Variants in SUGCT observed in about 807,000 individuals in gnomAD.
SUGCT encodes succinyl-CoA:glutarate-CoA transferase.
A neutral mutation model predicts 55.0 loss-of-function variants in SUGCT; 41 were observed. The ratio of observed to expected loss-of-function variants is 0.74; its 90% CI spans 0.58 to 0.97. The LOEUF (loss-of-function observed/expected upper bound fraction) is 0.97, where lower values mean the gene tolerates loss of function less well. Ranked by LOEUF, SUGCT falls within the 50% of genes least tolerant of loss-of-function variation. SUGCT has a pLI of 0.00. For missense variants in SUGCT, 568 were observed against 547.8 expected, an observed-to-expected ratio of 1.04 and a Z score of -0.37; for synonymous variants, 187 against 200.4, an observed-to-expected ratio of 0.93 and a Z score of 0.56.
chr7:40,469,551 T>C (rs1790298213), intron 11 of SUGCT, among the ~76,000 whole-genome samples: 1 of 152,228 alleles, frequency 6.6e-6, no homozygotes. Flanking sequence ...AACACAGCTC[T>C]GGAAAGCATC....
chr7:40,997,411 C>T, the SUGCT span, among the ~76,000 whole-genome samples: 1 of 152,170 alleles, frequency 6.6e-6, no homozygotes, highest in African/African-American at 2.4e-5. Flanking sequence ...GCAACCAGCA[C>T]CACAGGTCAG....
intron 13 of SUGCT, among the ~76,000 whole-genome samples, chr7:40,769,677 G>A (rs959445636): frequency 1.2e-4 from 18 of 152,312 alleles, no homozygotes; most frequent in African/African-American, 4.3e-4. Flanking sequence ...CAGGGCTTTA[G>A]CTTTAGCCTA....
chr7:40,890,124 C>A, the SUGCT span, among the ~76,000 whole-genome samples: 1 of 150,638 alleles, frequency 6.6e-6, no homozygotes, highest in South Asian at 2.1e-4. Flanking sequence ...AATGAGGAGA[C>A]AGGTGAGCAA....
chr7:40,956,296 A>C, the SUGCT span, among the ~76,000 whole-genome samples: 1 of 152,066 alleles, frequency 6.6e-6, no homozygotes, highest in African/African-American at 2.4e-5. Context: ...TTAGTGCCTC[A>C]ATTTCAGAAC....
At chr7:40,826,317 G>T (rs1792307765) in intron 13 of SUGCT, among the ~76,000 whole-genome samples, 1 of 151,996 alleles carries the variant, frequency 6.6e-6, no homozygotes, top group Admixed American at 6.6e-5. Flanking sequence ...TTACACATAA[G>T]ATTATATTTT....
At chr7:40,466,177 G>C (rs954192161) in intron 11 of SUGCT, among the ~76,000 whole-genome samples, 2 of 152,158 alleles carry the variant, frequency 1.3e-5, no homozygotes, top group Non-Finnish European at 2.9e-5. Flanking sequence ...GAAATGCTGG[G>C]ATTATAGCTC....
rs1291971497 is a variant in SUGCT at position 40,481,626 on chromosome 7, T to C, written c.987-14658T>C. Among the ~76,000 whole-genome samples the C allele has an allele frequency of 2.0e-5, 3 of 151,702 alleles. No individual in the cohort carries two copies. In the East Asian group the frequency reaches 5.8e-4, roughly 29 times the overall value. ...AAGAAAATAATAACCCAATAGAAAA[T>C]CATCAAAAAGATATAACCAGGGATT... On this transcript the variant is annotated intron_variant, in intron 11 of 13. Coordinates refer to ENST00000335693, the MANE Select transcript of SUGCT (RefSeq NM_001193313.2).
At position 40,860,476 on chromosome 7, in the gene SUGCT, C is replaced by A; in HGVS notation, c.1314C>A (p.His438Gln). 1 of 1,609,300 alleles carries A rather than the reference C, an allele frequency of 6.2e-7. No homozygotes were observed. The highest frequency in any genetic ancestry group is 1.1e-5 in the South Asian group (1 of 90,772). The part of the protein sequence containing the change: ...SAGVVDQHET[H>Q] ...GAGTGGTGGACCAACATGAAACTCA[C>A]TGACAAAGGAAAAGGGCTCTTCCTC... Residue 438 changes from histidine to glutamine, a missense_variant, in exon 14 of 14, where the codon CAC (histidine) becomes CAA (glutamine). Physicochemically the swap from His to Gln is conservative, Grantham distance 24. Transcript: ENST00000335693.
intron 9 of SUGCT, among the ~76,000 whole-genome samples, chr7:40,391,928 C>T (rs1785457483): frequency 1.3e-5 from 2 of 152,098 alleles, no homozygotes; most frequent in African/African-American, 4.8e-5. Flanking sequence ...ATATGACACA[C>T]ACACACCATG....
At chr7:40,359,302 T>A (rs1280719159) in intron 9 of SUGCT, among the ~76,000 whole-genome samples, 1 of 152,180 alleles carries the variant, frequency 6.6e-6, no homozygotes, top group Non-Finnish European at 1.5e-5. Context: ...CCTCCTGGGT[T>A]CAAGCCATTC....
chr7:40,168,147 G>A (rs1307391229), intron 1 of SUGCT, among the ~76,000 whole-genome samples: 1 of 152,220 alleles, frequency 6.6e-6, no homozygotes, highest in Non-Finnish European at 1.5e-5. Context: ...CGTGTTTAAA[G>A]GTGGGTGTGG....
chr7:40,733,637 A>T (rs1240008174), intron 12 of SUGCT, among the ~76,000 whole-genome samples: 1 of 152,170 alleles, frequency 6.6e-6, no homozygotes, highest in African/African-American at 2.4e-5. Flanking sequence ...CACAAGGAGG[A>T]TGTCATGTGC....
At chr7:40,654,288 T>C (rs1800916434) in intron 12 of SUGCT, among the ~76,000 whole-genome samples, 1 of 152,208 alleles carries the variant, frequency 6.6e-6, no homozygotes, top group South Asian at 2.1e-4. Flanking sequence ...TCATTTCTAA[T>C]TGCAGTGCAA....
chr7:40,736,209 TATATA>T (rs1456525410), intron 12 of SUGCT, among the ~76,000 whole-genome samples: 3 of 146,932 alleles, frequency 2.0e-5, no homozygotes, highest in South Asian at 2.1e-4. Context: ...AATATATCAA[TATATA>T]ATATATTATA....
chr7:40,557,704 C>G (rs1370027164), intron 12 of SUGCT, among the ~76,000 whole-genome samples: 1 of 149,218 alleles, frequency 6.7e-6, no homozygotes, highest in African/African-American at 2.5e-5. Flanking sequence ...ACCCAGGAGG[C>G]GGAGGTTGCA....
chr7:40,986,528 G>A, the SUGCT span, among the ~76,000 whole-genome samples: 430 of 152,212 alleles, frequency 2.8e-3, 2 homozygotes, highest in African/African-American at 0.01. Flanking sequence ...AATATTTATC[G>A]GGTTTATTTG....
the SUGCT span, among the ~76,000 whole-genome samples, chr7:40,949,135 G>A: frequency 2.3e-3 from 350 of 152,122 alleles, 3 homozygotes; most frequent in Non-Finnish European, 3.8e-3. Context: ...TGACTTTTTA[G>A]TGATCGCCAT....
At chr7:40,839,305 C>T (rs1401686235) in intron 13 of SUGCT, among the ~76,000 whole-genome samples, 1 of 152,044 alleles carries the variant, frequency 6.6e-6, no homozygotes, top group African/African-American at 2.4e-5. Context: ...TGTACTGGCA[C>T]AATCATAGCT....
intron 12 of SUGCT, among the ~76,000 whole-genome samples, chr7:40,653,081 TG>T (rs1174109377): frequency 2.0e-5 from 3 of 152,244 alleles, no homozygotes; most frequent in Non-Finnish European, 4.4e-5. Flanking sequence ...GGAGACTTAA[TG>T]ATTTCATCTT....
Sources: allele counts gnomAD v4.1 joint callset (sites outside exome capture counted in the v4.1 genomes callset), GRCh38; gene constraint gnomAD v4.1.1; transcripts MANE v1.5; gene names NCBI Gene and HGNC (gene_info 2026-07-23, HGNC 2026-07-21).